Variants in LTBP1 observed in about 807,000 individuals in gnomAD.
LTBP1 encodes the protein latent-transforming growth factor beta-binding protein 1.
LTBP1 carries 129 observed loss-of-function variants against 207.6 expected under a neutral mutation model. That is an observed-to-expected ratio of 0.62 (90% confidence interval 0.54 to 0.72). The LOEUF (loss-of-function observed/expected upper bound fraction) is 0.72. Ranked by LOEUF, LTBP1 falls within the 30% of genes least tolerant of loss-of-function variation. The pLI is 0.00. For missense variants in LTBP1, 2,281 were observed against 2,217.2 expected (o/e 1.03, Z -0.58); for synonymous variants, 963 against 833.7 (o/e 1.16, Z -2.67).
intron 3 of LTBP1, among the ~76,000 whole-genome samples, chr2:33,062,242 C>G (rs1233661353): frequency 2.9e-5 from 4 of 138,390 alleles, no homozygotes; most frequent in Non-Finnish European, 6.5e-5. Flanking sequence ...CACACACACA[C>G]AGCATTTTTT....
intron 21 of LTBP1, among the ~76,000 whole-genome samples, chr2:33,301,083 A>C (rs1049038137): frequency 2.0e-5 from 3 of 152,218 alleles, no homozygotes; most frequent in Admixed American, 2.0e-4. Context: ...CTGTTCCTAC[A>C]GCTGATAGTG....
At chr2:33,332,734 A>G (rs953831781) in intron 24 of LTBP1, among the ~76,000 whole-genome samples, 1 of 151,904 alleles carries the variant, frequency 6.6e-6, no homozygotes, top group South Asian at 2.1e-4. Context: ...CGTTTTTTGT[A>G]TAGGATTAAT....
intron 3 of LTBP1, among the ~76,000 whole-genome samples, chr2:33,033,574 A>G (rs924220039): frequency 1.8e-4 from 27 of 152,048 alleles, no homozygotes; most frequent in African/African-American, 6.5e-4. Flanking sequence ...AGAGTTTTAG[A>G]AGAAAGGGTT....
chr2:33,243,805 AT>A, intron 10 of LTBP1, 21 bp downstream of exon 10: 1 of 1,613,452 alleles, frequency 6.2e-7, no homozygotes, highest in Non-Finnish European at 8.5e-7. Context: ...ATCACTTTTT[AT>A]TCCTGTTTTG....
chr2:33,075,622 C>A (rs1308359042), intron 3 of LTBP1, among the ~76,000 whole-genome samples: 1 of 152,114 alleles, frequency 6.6e-6, no homozygotes, highest in Non-Finnish European at 1.5e-5. Flanking sequence ...AAAATTGAAC[C>A]GTTAAAATGG....
intron 5 of LTBP1, among the ~76,000 whole-genome samples, chr2:33,153,888 C>T (rs974283349): frequency 6.6e-6 from 1 of 152,250 alleles, no homozygotes. Context: ...GCATCATTGG[C>T]ACCATTTTCC....
In LTBP1 at chr2:33,363,453, G is replaced by C. The variant is rs770165079; in HGVS notation, c.4334G>C (p.Arg1445Pro). ...AAAAATGGTTTCTGTTTGAACACTC[G>C]GCCTGGGTATGAATGCTACTGTAAG... ...ICKNGFCLNT[R>P]PGYECYCKQG... The change falls in exon 29 of 34, where the codon CGG becomes CCG. Residue 1445 changes from arginine to proline, a missense_variant. Around this residue, in one of 3 missense-constraint regions of LTBP1, gnomAD observed 1,671 missense variants for 1,634.8 expected, o/e 1.02. Transcript: ENST00000404816. The C allele has an allele frequency of 1.9e-6, 3 of 1,613,716 alleles. No individual in the cohort carries two copies. In the East Asian group the frequency reaches 6.7e-5, roughly 36 times the overall value.
intron 31 of LTBP1, among the ~76,000 whole-genome samples, chr2:33,374,573 T>C (rs1365635544): frequency 1.3e-5 from 2 of 152,208 alleles, no homozygotes; most frequent in African/African-American, 2.4e-5. Context: ...GTTCCAGTTC[T>C]GTGGGACTGA....
intron 22 of LTBP1, among the ~76,000 whole-genome samples, chr2:33,304,368 A>T (rs2094050095): frequency 6.6e-6 from 1 of 152,240 alleles, no homozygotes. Flanking sequence ...GACTGTTCAC[A>T]CGCCTCTGAC....
intron 5 of LTBP1, among the ~76,000 whole-genome samples, chr2:33,181,198 T>G (rs2086597151): frequency 1.3e-5 from 2 of 152,194 alleles, no homozygotes; most frequent in Admixed American, 6.5e-5. Context: ...CCGAAGTATT[T>G]TTATAGTCAG....
chr2:33,082,432 C>A (rs442968), intron 3 of LTBP1, among the ~76,000 whole-genome samples: 7,959 of 29,140 alleles, frequency 0.27, 2,075 homozygotes, highest in East Asian at 0.78. Context: ...GTATGACTCA[C>A]TTTTTTTTTT....
chr2:33,322,091 A>G (rs907854127), intron 24 of LTBP1, among the ~76,000 whole-genome samples: 1 of 151,848 alleles, frequency 6.6e-6, no homozygotes, highest in Admixed American at 6.6e-5. Flanking sequence ...TTGTATAAAG[A>G]AATTCATAAT....
chr2:33,024,084 A>G (rs1280392146), intron 3 of LTBP1, among the ~76,000 whole-genome samples: 2 of 152,254 alleles, frequency 1.3e-5, no homozygotes, highest in Non-Finnish European at 2.9e-5. Flanking sequence ...CACTTATTCA[A>G]CAAGTTTTTA....
intron 3 of LTBP1, among the ~76,000 whole-genome samples, chr2:33,035,365 T>G (rs1016372): frequency 6.6e-6 from 1 of 152,214 alleles, no homozygotes; most frequent in South Asian, 2.1e-4. Flanking sequence ...GAAAGTGTTT[T>G]GAAAAATTAG....
At chr2:33,027,211 A>C (rs219208) in intron 3 of LTBP1, among the ~76,000 whole-genome samples, 91,520 of 152,036 alleles carry the variant, frequency 0.6, 29,246 homozygotes, top group East Asian at 1. Flanking sequence ...TTTATCCCAG[A>C]TTGACTAAGG....
intron 32 of LTBP1, among the ~76,000 whole-genome samples, chr2:33,393,113 A>C (rs1352689570): frequency 6.6e-6 from 1 of 151,816 alleles, no homozygotes; most frequent in Non-Finnish European, 1.5e-5. Context: ...GCAACATGTC[A>C]TGGGGGTTAG....
chr2:33,022,570 A>G (rs2075228828), intron 3 of LTBP1, among the ~76,000 whole-genome samples: 1 of 152,198 alleles, frequency 6.6e-6, no homozygotes, highest in Non-Finnish European at 1.5e-5. Flanking sequence ...GAGAAGACTG[A>G]GGTACAGAGT....
intron 2 of LTBP1, among the ~76,000 whole-genome samples, chr2:32,985,149 T>C (rs1189783666): frequency 6.6e-6 from 1 of 152,174 alleles, no homozygotes; most frequent in East Asian, 1.9e-4. Context: ...GAAGGTCAAA[T>C]CTGTTTTCCC....
chr2:32,961,350 T>C (rs182216357), intron 2 of LTBP1, among the ~76,000 whole-genome samples: 62 of 152,326 alleles, frequency 4.1e-4, no homozygotes, highest in Admixed American at 1.0e-3. Context: ...GAAAGCCAAG[T>C]CACTGGTCAC....
Sources: allele counts gnomAD v4.1 joint callset (sites outside exome capture counted in the v4.1 genomes callset), GRCh38; gene constraint gnomAD v4.1.1; regional missense constraint gnomAD v4.1.1; transcripts MANE v1.5; gene names NCBI Gene and HGNC (gene_info 2026-07-23, HGNC 2026-07-21).